The following SASH1 variants were observed in gnomAD, a reference collection of about 807,000 sequenced individuals.
The protein encoded by SASH1 is SAM and SH3 domain-containing protein 1.
SASH1 carries 44 observed loss-of-function variants against 125.2 expected under a neutral mutation model. That is an observed-to-expected ratio of 0.35 (90% CI 0.28 to 0.45). SASH1 has a LOEUF of 0.45. SASH1 is among the 20% of genes least tolerant of loss of function. The pLI, the probability that SASH1 is intolerant of heterozygous loss-of-function variation, is 1.00. For synonymous variants in SASH1, 639 were observed against 649.1 expected (o/e 0.98, Z 0.24); for missense variants, 1,426 against 1,614.5 (o/e 0.88, Z 2.00).
chr6:148,474,730 C>A (rs1778265203), intron 7 of SASH1, among the ~76,000 whole-genome samples: 1 of 152,088 alleles, frequency 6.6e-6, no homozygotes, highest in African/African-American at 2.4e-5. Context: ...TGACACCACA[C>A]CTACCTAGTT....
chr6:148,393,714 G>A, intron 2 of SASH1: 2 of 985,320 alleles, frequency 2.0e-6, no homozygotes, highest in Non-Finnish European at 2.4e-6. Context: ...AGACAGTCTG[G>A]GGGGAGAAAA....
At chr6:148,238,764 GAATATTCATTT>G in the SASH1 span, among the ~76,000 whole-genome samples, 1 of 152,022 alleles carries the variant, frequency 6.6e-6, no homozygotes, top group East Asian at 1.9e-4. Flanking sequence ...GGTTCTCATT[GAATATTCATTT>G]AATACATCTA....
At chr6:148,250,446 C>A in the SASH1 span, among the ~76,000 whole-genome samples, 1 of 151,894 alleles carries the variant, frequency 6.6e-6, no homozygotes, top group Non-Finnish European at 1.5e-5. Flanking sequence ...CTTAAGTAAT[C>A]AGCCATTTGA....
At chr6:148,329,731 G>A (rs60361892) in intron 1 of SASH1, among the ~76,000 whole-genome samples, 2,385 of 152,284 alleles carry the variant, frequency 0.016, 72 homozygotes, top group African/African-American at 0.052. Context: ...CAACAGGGGC[G>A]AGTCCCTATG....
intron 10 of SASH1, among the ~76,000 whole-genome samples, chr6:148,524,070 A>T (rs1278074290): frequency 6.8e-6 from 1 of 147,086 alleles, no homozygotes; most frequent in African/African-American, 2.5e-5. Context: ...TCCTTCTAGG[A>T]TGTTTCTACT....
intron 1 of SASH1, among the ~76,000 whole-genome samples, chr6:148,299,801 T>G (rs1050232937): frequency 5.9e-5 from 9 of 152,172 alleles, no homozygotes; most frequent in Non-Finnish European, 1.3e-4. Context: ...TAATTCAGGA[T>G]GCTATCTTTG....
At chr6:148,369,914 A>G (rs1458912033) in intron 1 of SASH1, among the ~76,000 whole-genome samples, 1 of 144,858 alleles carries the variant, frequency 6.9e-6, no homozygotes, top group East Asian at 2.0e-4. Flanking sequence ...AGATCATGCC[A>G]CTGCACTCCA....
intron 8 of SASH1, among the ~76,000 whole-genome samples, chr6:148,505,914 G>A (rs962155810): frequency 6.6e-6 from 1 of 151,952 alleles, no homozygotes; most frequent in African/African-American, 2.4e-5. Flanking sequence ...GGGATTACAG[G>A]TGTGAGCCAC....
intron 8 of SASH1, chr6:148,508,836 G>A (rs568317556): frequency 8.7e-5 from 111 of 1,277,994 alleles, no homozygotes; most frequent in Middle Eastern, 4.3e-4. Context: ...GGTACAGGAC[G>A]TCTTCAGAAT....
chr6:148,390,082 G>A, intron 1 of SASH1, 52 bp from the exon 2 acceptor site: 2 of 1,604,624 alleles, frequency 1.2e-6, no homozygotes, highest in Non-Finnish European at 8.5e-7. Flanking sequence ...GATGGCTGTG[G>A]GCTTTTCCAG....
intron 1 of SASH1, among the ~76,000 whole-genome samples, chr6:148,285,052 C>G (rs536150852): frequency 1.3e-5 from 2 of 152,316 alleles, no homozygotes; most frequent in African/African-American, 4.8e-5. Flanking sequence ...CAGCTAATGC[C>G]ACTCCGGACC....
upstream of SASH1, among the ~76,000 whole-genome samples, chr6:148,338,976 G>C (rs907607959): frequency 7.4e-6 from 1 of 134,514 alleles, no homozygotes; most frequent in African/African-American, 2.8e-5. Context: ...CTGCACTCCA[G>C]CCTGGGCAAT....
At chr6:148,525,256 A>G (rs1781074403) in intron 10 of SASH1, 35 bp from the exon 11 acceptor site, 2 of 1,580,706 alleles carry the variant, frequency 1.3e-6, no homozygotes, top group African/African-American at 1.3e-5. Context: ...CTTAAGCATA[A>G]CTGAAGTTTT....
intron 2 of SASH1, among the ~76,000 whole-genome samples, chr6:148,395,019 AAGC>A (rs1179601920): frequency 6.6e-6 from 1 of 152,252 alleles, no homozygotes; most frequent in East Asian, 1.9e-4. Context: ...AACCTGTTAA[AAGC>A]AGAAGAGGAA....
chr6:148,510,737 T>A (rs1435308373), intron 8 of SASH1, among the ~76,000 whole-genome samples: 1 of 152,114 alleles, frequency 6.6e-6, no homozygotes, highest in Non-Finnish European at 1.5e-5. Flanking sequence ...GGTTCATGCC[T>A]GTAATCCCAG....
intron 1 of SASH1, among the ~76,000 whole-genome samples, chr6:148,377,192 A>T (rs1325234625): frequency 1.4e-5 from 2 of 145,372 alleles, no homozygotes; most frequent in South Asian, 2.3e-4. Flanking sequence ...AACAAAAAAA[A>T]AACAAAAAAA....
the SASH1 span, among the ~76,000 whole-genome samples, chr6:148,206,888 A>G: frequency 6.6e-6 from 1 of 151,930 alleles, no homozygotes; most frequent in Admixed American, 6.6e-5. Flanking sequence ...TGTTCCACCC[A>G]GCTCCAGGCA....
At chr6:148,344,849 G>T (rs1464958954) in intron 1 of SASH1, among the ~76,000 whole-genome samples, 2 of 151,432 alleles carry the variant, frequency 1.3e-5, no homozygotes, top group East Asian at 3.9e-4. Flanking sequence ...TCCGCCTCCT[G>T]AGTTCAAGCA....
chr6:148,349,803 T>C (rs1324286712), intron 1 of SASH1, among the ~76,000 whole-genome samples: 1 of 152,126 alleles, frequency 6.6e-6, no homozygotes, highest in Non-Finnish European at 1.5e-5. Context: ...GCTGAGTTAA[T>C]GCAAGACATT....
Sources: allele counts gnomAD v4.1 joint callset (sites outside exome capture counted in the v4.1 genomes callset), GRCh38; gene constraint gnomAD v4.1.1; transcripts MANE v1.5; gene names NCBI Gene and HGNC (gene_info 2026-07-23, HGNC 2026-07-21).